RAP1GAP2: variants seen among roughly 807,000 people sequenced by gnomAD.
RAP1GAP2 encodes rap1 GTPase-activating protein 2.
Under a neutral mutation model 95.0 loss-of-function variants are expected in RAP1GAP2, and 27 were observed. That is an observed-to-expected ratio of 0.28 (90% CI 0.21 to 0.39). The LOEUF (loss-of-function observed/expected upper bound fraction) is 0.39. RAP1GAP2 is among the 10% of genes least tolerant of loss of function. The pLI is 1.00. For synonymous variants in RAP1GAP2, 373 were observed against 380.9 expected (o/e 0.98, Z 0.24); for missense variants, 771 against 970.0 (o/e 0.79, Z 2.72).
chr17:2,818,038 G>C (rs937490417), intron 2 of RAP1GAP2, among the ~76,000 whole-genome samples: 2 of 151,594 alleles, frequency 1.3e-5, no homozygotes, highest in African/African-American at 2.4e-5. Context: ...GGGTTTCACT[G>C]TGTTAGCCAG....
chr17:2,969,059 A>G (rs967333584), intron 8 of RAP1GAP2, among the ~76,000 whole-genome samples: 5 of 152,118 alleles, frequency 3.3e-5, no homozygotes, highest in African/African-American at 1.2e-4. Context: ...TTCACAGAAT[A>G]CAATTGTAAT....
At chr17:3,032,488 G>A (rs944091802) in intron 24 of RAP1GAP2, 39 bp downstream of exon 24, 4 of 1,586,030 alleles carry the variant, frequency 2.5e-6, no homozygotes, top group African/African-American at 1.3e-5. Context: ...CGTGAGGGGG[G>A]ACGTGTGTTT....
chr17:2,777,999 T>G lies in RAP1GAP2; in HGVS notation c.-14+721T>G, dbSNP rs796774586. Among the ~76,000 whole-genome samples, 301 of 95,930 alleles carry G rather than the reference T, an allele frequency of 3.1e-3. 5 individuals are homozygous for G. The highest frequency in any genetic ancestry group is 0.015 in the African/African-American group (261 of 17,646). 62.9% of individuals were successfully genotyped at this position (95,930 alleles called of 152,430 possible). On this transcript the variant is annotated intron_variant, in intron 1 of 24. Transcript: ENST00000540393. ...CTGGGAGGCTGGGAGGCGGGGAGGC[T>G]GGGAGGCTGGGAGGCGGGGAGGCTG...
rs1001485265 is a variant in RAP1GAP2, at chr17:2,797,714, G to C, written c.44+1143G>C. 1.0e-6 allele frequency: 1 copy of C among 985,280 alleles called. No individual in the cohort carries two copies. The highest frequency in any genetic ancestry group is 1.7e-5 in the African/African-American group (1 of 57,216). The allele number at this position is 985,280 out of a possible 1,614,324, so 61.0% of individuals were successfully genotyped here. On this transcript the variant is annotated intron_variant, in intron 1 of 24. Coordinates refer to ENST00000254695, the MANE Select transcript of RAP1GAP2 (RefSeq NM_015085.5). This position sits in a 1 kb window ranked among gnomAD's most constrained non-coding sequence, Gnocchi z 5.6. ...ATGGGATGGTGCGGATGAGAAGATG[G>C]CACAGCGTCGCCTGTGTCTGCTCTC...
At chr17:2,755,696 G>A, upstream of RAP1GAP2, 1 of 312,944 alleles carries the variant, frequency 3.2e-6, no homozygotes. Context: ...CCCGCGGAGG[G>A]CAGGGAGCGG....
chr17:2,869,758 C>T (rs904447239), intron 2 of RAP1GAP2, among the ~76,000 whole-genome samples: 9 of 152,238 alleles, frequency 5.9e-5, no homozygotes, highest in Admixed American at 2.6e-4. Flanking sequence ...CCACCTTCTG[C>T]GAGCTCCCTT....
rs56965830 is a variant in RAP1GAP2 at position 2,933,123 on chromosome 17, C to A, written c.166-24636C>A. ...CAGCCAGACAGTGGGCAGGAGAGGG[C>A]GGGAAGAGAGAAGGGCGAGTGGAAG... On this transcript the variant is annotated intron_variant, in intron 3 of 24. Coordinates refer to ENST00000254695, the MANE Select transcript of RAP1GAP2 (RefSeq NM_015085.5). Among the ~76,000 whole-genome samples the A allele has an allele frequency of 2.6e-5, 4 of 152,172 alleles. No homozygotes were observed. In the South Asian group the frequency reaches 6.2e-4, roughly 24 times the overall value.
At chr17:2,853,883 C>T in intron 2 of RAP1GAP2, 1 of 970,552 alleles carries the variant, frequency 1.0e-6, no homozygotes, top group Non-Finnish European at 1.2e-6. Context: ...GGGGCCCATG[C>T]GAGGCGGAGG....
chr17:2,862,525 C>G (rs1031140041), intron 2 of RAP1GAP2, among the ~76,000 whole-genome samples: 1 of 152,022 alleles, frequency 6.6e-6, no homozygotes, highest in Admixed American at 6.6e-5. Flanking sequence ...CCCACGCCCC[C>G]CAACTCCCTG....
At chr17:2,814,287 C>T (rs1371587099) in intron 2 of RAP1GAP2, among the ~76,000 whole-genome samples, 1 of 152,184 alleles carries the variant, frequency 6.6e-6, no homozygotes, top group African/African-American at 2.4e-5. Flanking sequence ...CACAATCGTG[C>T]CTCCTCTTGA....
rs1206064480 is a variant in RAP1GAP2 at position 2,801,090 on chromosome 17, C to T, written c.80+540C>T. On this transcript the variant is annotated intron_variant, in intron 2 of 24. Coordinates refer to ENST00000254695, the MANE Select transcript of RAP1GAP2 (RefSeq NM_015085.5). ...GTCTCAATCTCTTGACGTCATGGTCCGCCCACCTAGGCCTCCCAAAGTGCT... is the reference window on the plus strand; with the variant it reads ...GTCTCAATCTCTTGACGTCATGGTCTGCCCACCTAGGCCTCCCAAAGTGCT... 5.9e-5 allele frequency among the ~76,000 whole-genome samples: 9 copies of T among 151,404 alleles called. No homozygotes were observed. In the South Asian group the frequency reaches 6.3e-4, roughly 11 times the overall value.
At chr17:2,759,919 A>G (rs536823547) in intron 1 of RAP1GAP2, among the ~76,000 whole-genome samples, 12 of 152,266 alleles carry the variant, frequency 7.9e-5, no homozygotes, top group African/African-American at 2.6e-4. Context: ...TTGCAGGGTA[A>G]AAACATTTGC....
At chr17:2,841,012 C>T (rs1174566659) in intron 2 of RAP1GAP2, among the ~76,000 whole-genome samples, 1 of 147,516 alleles carries the variant, frequency 6.8e-6, no homozygotes, top group African/African-American at 2.5e-5. Flanking sequence ...ATAAAAAGAC[C>T]GGTGTGGTGG....
chr17:2,816,431 G>A (rs1408710047), intron 2 of RAP1GAP2, among the ~76,000 whole-genome samples: 2 of 151,802 alleles, frequency 1.3e-5, no homozygotes, highest in Admixed American at 6.6e-5. Flanking sequence ...TCCGCCTTTC[G>A]GGTTCAAGCG....
At chr17:2,821,027 G>A (rs898508431) in intron 2 of RAP1GAP2, among the ~76,000 whole-genome samples, 4 of 151,432 alleles carry the variant, frequency 2.6e-5, no homozygotes, top group Admixed American at 6.6e-5. Context: ...GAGCCACCGC[G>A]TCCTGCCTAT....
chr17:2,889,292 G>A (rs928412434), intron 2 of RAP1GAP2, among the ~76,000 whole-genome samples: 7 of 152,276 alleles, frequency 4.6e-5, no homozygotes, highest in Middle Eastern at 6.8e-3. Flanking sequence ...CAGCTCAGCC[G>A]AGTCCTCCAC....
At chr17:2,891,809 C>CTTTTTTTTTTTTTTT (rs1488865061) in intron 2 of RAP1GAP2, among the ~76,000 whole-genome samples, 1 of 58,030 alleles carries the variant, frequency 1.7e-5, no homozygotes, top group Non-Finnish European at 4.0e-5. Context: ...ATTCATATTT[C>CTTTTTTTTTTTTTTT]TTTTCTTTTT....
chr17:2,936,322 G>A (rs2043310574), intron 3 of RAP1GAP2, among the ~76,000 whole-genome samples: 1 of 132,208 alleles, frequency 7.6e-6, no homozygotes, highest in African/African-American at 2.9e-5. Context: ...CTCCTTCTTT[G>A]CTTGGTTGCC....
In RAP1GAP2 at chr17:2,866,279, C is replaced by T. The variant is rs2072608644; in HGVS notation, c.81-39005C>T. 6.6e-6 allele frequency among the ~76,000 whole-genome samples: 1 copy of T among 152,194 alleles called. No homozygotes were observed. Among genetic ancestry groups the T allele is most frequent in the Non-Finnish European group, 1.5e-5 (1 of 68,026 alleles). ...CCTTGGCTGTGGTGTGGATTCCCTG[C>T]TGGGGAACGTGGGAGATGAGGCTGT... On this transcript the variant is annotated intron_variant, in intron 2 of 24. Transcript: ENST00000254695. The surrounding 1 kb of genome is among the most constrained non-coding windows in gnomAD (Gnocchi z 4.0).
Sources: gnomAD v4.1 joint callset for allele counts (sites outside exome capture counted in the v4.1 genomes callset) on GRCh38, gnomAD v4.1.1 for gene constraint, Gnocchi (gnomAD v3.1) non-coding constraint, MANE v1.5 for transcripts, NCBI Gene and HGNC (gene_info 2026-07-23, HGNC 2026-07-21) for gene names.